Variants in TTC7A observed in about 807,000 individuals in gnomAD.
TTC7A encodes tetratricopeptide repeat domain 7A, also known as tetratricopeptide repeat protein 7A.
Under a neutral mutation model 103.7 loss-of-function variants are expected in TTC7A, and 110 were observed. The observed-to-expected ratio is 1.06, with a 90% CI of 0.91 to 1.24. The LOEUF (loss-of-function observed/expected upper bound fraction) is 1.24. Ranked by LOEUF, TTC7A falls within the 50% of genes most tolerant of loss-of-function variation. TTC7A has a pLI of 0.00. For synonymous variants in TTC7A, 521 were observed against 467.9 expected (o/e 1.11, Z -1.47); for missense variants, 1,340 against 1,116.3 (o/e 1.20, Z -2.86).
chr2:46,956,330 G>T (rs1671850392), intron 2 of TTC7A, among the ~76,000 whole-genome samples: 1 of 152,304 alleles, frequency 6.6e-6, no homozygotes, highest in South Asian at 2.1e-4. Context: ...ACTGTAGGGG[G>T]AGGCATAAGC....
chr2:46,992,009 GC>G (rs943276624), intron 5 of TTC7A, among the ~76,000 whole-genome samples: 3 of 152,216 alleles, frequency 2.0e-5, no homozygotes, highest in Admixed American at 2.0e-4. Context: ...AGGCCCCAAA[GC>G]CCCCAGGAGC....
At chr2:47,040,010 C>G (rs948020926) in intron 15 of TTC7A, among the ~76,000 whole-genome samples, 1 of 152,226 alleles carries the variant, frequency 6.6e-6, no homozygotes, top group African/African-American at 2.4e-5. Flanking sequence ...CTTTCTGTGC[C>G]CCTGGGTGCT....
intron 19 of TTC7A, among the ~76,000 whole-genome samples, chr2:47,066,850 G>A (rs541131087): frequency 2.2e-4 from 34 of 152,314 alleles, no homozygotes; most frequent in Admixed American, 2.0e-4. Context: ...GCCACCATGT[G>A]TGGCCTTTTT....
intron 11 of TTC7A, among the ~76,000 whole-genome samples, chr2:47,014,790 G>A (rs1165770160): frequency 1.3e-5 from 2 of 152,260 alleles, no homozygotes; most frequent in Non-Finnish European, 2.9e-5. Context: ...TGCAGAAAGG[G>A]AGGCTGAAAC....
intron 8 of TTC7A, among the ~76,000 whole-genome samples, chr2:47,003,819 T>C (rs1163477704): frequency 6.6e-6 from 1 of 152,210 alleles, no homozygotes; most frequent in East Asian, 1.9e-4. Context: ...CTCTTGCCTG[T>C]TGGAGGCCGC....
chr2:47,003,470 G>T (rs1677050371), intron 8 of TTC7A, among the ~76,000 whole-genome samples: 4 of 152,182 alleles, frequency 2.6e-5, no homozygotes, highest in African/African-American at 9.7e-5. Flanking sequence ...CCAGCAAGGG[G>T]TTCCATGTCA....
intron 2 of TTC7A, among the ~76,000 whole-genome samples, chr2:46,935,249 C>T (rs1669919729): frequency 6.6e-6 from 1 of 152,078 alleles, no homozygotes; most frequent in Non-Finnish European, 1.5e-5. Flanking sequence ...AAATGTGAGC[C>T]ATGACAACTG....
At chr2:47,018,429 A>G (rs1678919105) in intron 11 of TTC7A, among the ~76,000 whole-genome samples, 1 of 151,936 alleles carries the variant, frequency 6.6e-6, no homozygotes, top group South Asian at 2.1e-4. Context: ...CTAAAAATAT[A>G]AAAAAATTAA....
chr2:46,959,395 T>A (rs895241526), intron 3 of TTC7A, among the ~76,000 whole-genome samples: 1 of 152,150 alleles, frequency 6.6e-6, no homozygotes, highest in Non-Finnish European at 1.5e-5. Flanking sequence ...GAGTCTGCTC[T>A]GTGGTTCTGT....
chr2:46,948,328 C>G (rs1027645527), intron 1 of TTC7A, among the ~76,000 whole-genome samples: 3 of 152,184 alleles, frequency 2.0e-5, no homozygotes, highest in Non-Finnish European at 4.4e-5. Flanking sequence ...GTGGCTCTGA[C>G]TGACTGGATC....
intron 2 of TTC7A, among the ~76,000 whole-genome samples, chr2:46,936,098 A>G (rs1427327746): frequency 1.3e-5 from 2 of 152,204 alleles, no homozygotes; most frequent in Non-Finnish European, 2.9e-5. Flanking sequence ...CTCTAAAAAC[A>G]TAAAAAATAA....
rs35753980 is a variant in TTC7A at position 47,059,009 on chromosome 2, C to CTT, written c.2153-1731_2153-1730dup. On this transcript the variant is annotated intron_variant, in intron 18 of 19. Coordinates refer to ENST00000319190, the MANE Select transcript of TTC7A (RefSeq NM_020458.4). ...GTGGGGTCCTCACCTCCTAAGCCTG[C>CTT]TTTTTTTTTTTTTTTTTTTTTTTTT... Among the ~76,000 whole-genome samples, 374 of 44,718 alleles carry CTT rather than the reference C, an allele frequency of 8.4e-3. 62 individuals are homozygous for CTT. The highest frequency in any genetic ancestry group is 0.017 in the South Asian group (12 of 692). The allele number at this position is 44,718 out of a possible 152,430, so 29.3% of individuals were successfully genotyped here. A position where few individuals can be genotyped will look rare whatever the true frequency, so the allele number is the denominator to read the frequency against.
intron 3 of TTC7A, among the ~76,000 whole-genome samples, chr2:46,974,178 A>C (rs1182710927): frequency 1.3e-5 from 2 of 152,244 alleles, no homozygotes; most frequent in Non-Finnish European, 2.9e-5. Flanking sequence ...CTTTATTCCA[A>C]AGCTTAGCTT....
intron 12 of TTC7A, among the ~76,000 whole-genome samples, chr2:47,022,428 G>T (rs1558589392): frequency 6.6e-6 from 1 of 152,184 alleles, no homozygotes. Context: ...CGTGGCATAG[G>T]GCTGGGTACG....
chr2:46,920,881 T>C (rs1291868408), intron 2 of TTC7A, among the ~76,000 whole-genome samples: 1 of 152,022 alleles, frequency 6.6e-6, no homozygotes, highest in African/African-American at 2.4e-5. Context: ...GTTATTTTCC[T>C]TCGGTACTTA....
At chr2:46,971,976 CAGGG>C (rs1331117020) in intron 3 of TTC7A, among the ~76,000 whole-genome samples, 1 of 143,394 alleles carries the variant, frequency 7.0e-6, no homozygotes, top group Non-Finnish European at 1.5e-5. Context: ...GGGAGGGAGG[CAGGG>C]AGGGAGGGAG....
chr2:46,974,600 T>C, intron 3 of TTC7A: 1 of 451,744 alleles, frequency 2.2e-6, no homozygotes, highest in South Asian at 1.6e-5. Context: ...AAGAGCTAAG[T>C]AGGAAATGGG....
At chr2:46,974,596 T>G (rs1169177709) in intron 3 of TTC7A, 2 of 451,116 alleles carry the variant, frequency 4.4e-6, no homozygotes, top group African/African-American at 2.0e-5. Context: ...TCTAAAGAGC[T>G]AAGTAGGAAA....
rs967464286 is a variant in TTC7A at position 46,997,423 on chromosome 2, G to C, written c.1065+2224G>C. Among the ~76,000 whole-genome samples, 12 of 152,062 alleles carry C rather than the reference G, an allele frequency of 7.9e-5. 1 individual carries two copies. The highest frequency in any genetic ancestry group is 2.7e-4 in the African/African-American group (11 of 41,366). ...AAGCTGATTAGGTGCGCATTATGTT[G>C]AGTCATATGAAATTGCCAATTTTCA... On this transcript the variant is annotated intron_variant, in intron 8 of 19. Transcript: ENST00000319190.
Sources: allele counts gnomAD v4.1 joint callset (sites outside exome capture counted in the v4.1 genomes callset), GRCh38; gene constraint gnomAD v4.1.1; transcripts MANE v1.5; gene names NCBI Gene and HGNC (gene_info 2026-07-23, HGNC 2026-07-21).